The following EDARADD variants were observed in gnomAD, a reference collection of about 807,000 sequenced individuals.
The protein encoded by EDARADD is ectodysplasin-A receptor-associated adapter protein.
EDARADD carries 20 observed loss-of-function variants against 25.6 expected under a neutral mutation model. The ratio of observed to expected loss-of-function variants is 0.78; its 90% CI spans 0.55 to 1.14. The LOEUF (loss-of-function observed/expected upper bound fraction) is 1.14, where lower values mean the gene tolerates loss of function less well. Ranked by LOEUF, EDARADD falls within the 50% of genes most tolerant of loss-of-function variation. EDARADD has a pLI of 0.00. For synonymous variants in EDARADD, 86 were observed against 94.4 expected, an observed-to-expected ratio of 0.91 and a Z score of 0.52; for missense variants, 225 against 270.1, an observed-to-expected ratio of 0.83 and a Z score of 1.17.
Position 236,482,619 on chromosome 1 carries a change from G to A in EDARADD, c.618G>A (p.Arg206=). The A allele has an allele frequency of 1.2e-6, 2 of 1,612,200 alleles. No individual in the cohort carries two copies. Among genetic ancestry groups the A allele is most frequent in the Non-Finnish European group, 1.7e-6 (2 of 1,180,026 alleles). The change falls in exon 6 of 6, where the codon CGG becomes CGA. Residue 206 remains arginine, a synonymous_variant. Coordinates refer to ENST00000334232, the MANE Select transcript of EDARADD (RefSeq NM_145861.4). ...RRWVDEEWPK[R]ERGDPSRHF ...GGGTGGACGAGGAGTGGCCCAAGCG[G>A]GAGCGTGGAGACCCCTCCAGGCACT... is the stretch of plus-strand genomic sequence containing the variant.
At chr1:236,399,207 A>G (rs1336908045) in intron 1 of EDARADD, among the ~76,000 whole-genome samples, 4 of 152,114 alleles carry the variant, frequency 2.6e-5, no homozygotes, top group African/African-American at 9.7e-5. Flanking sequence ...TTTGAGACAG[A>G]ATCTCACTCT....
chr1:236,405,288 T>C (rs1313504408), intron 1 of EDARADD, among the ~76,000 whole-genome samples: 4 of 152,194 alleles, frequency 2.6e-5, no homozygotes, highest in African/African-American at 9.7e-5. Context: ...GCAAGAGACT[T>C]TGTGCCTATA....
intron 1 of EDARADD, among the ~76,000 whole-genome samples, chr1:236,397,233 G>GACCC (rs1311640336): frequency 6.6e-6 from 1 of 151,876 alleles, no homozygotes; most frequent in African/African-American, 2.4e-5. Context: ...AACATAGTGA[G>GACCC]ACCCTGACTC....
intron 4 of EDARADD, among the ~76,000 whole-genome samples, chr1:236,459,611 C>CT (rs397860471): frequency 0.19 from 18,600 of 100,314 alleles, 2,352 homozygotes; most frequent in East Asian, 0.44. Context: ...TTATTTAGCT[C>CT]TTTTTTTTTT....
At chr1:236,381,179 TTTG>T (rs1667291844) in intron 3 of EDARADD, among the ~76,000 whole-genome samples, 1 of 152,192 alleles carries the variant, frequency 6.6e-6, no homozygotes, top group South Asian at 2.1e-4. Flanking sequence ...TACGCATGCT[TTTG>T]TTTTTTTCTG....
At chr1:236,376,576 CTCTG>C (rs1408568352) in intron 3 of EDARADD, among the ~76,000 whole-genome samples, 3 of 152,078 alleles carry the variant, frequency 2.0e-5, no homozygotes, top group Non-Finnish European at 4.4e-5. Flanking sequence ...TGTTTTTTCT[CTCTG>C]TCTTTTTTCG....
intron 1 of EDARADD, among the ~76,000 whole-genome samples, chr1:236,408,047 G>A (rs529131816): frequency 6.6e-6 from 1 of 152,160 alleles, no homozygotes; most frequent in Admixed American, 6.5e-5. Flanking sequence ...CATTCCTGCC[G>A]AAGGTAGTGT....
intron 3 of EDARADD, among the ~76,000 whole-genome samples, chr1:236,356,665 A>G: frequency 6.6e-6 from 1 of 152,226 alleles, no homozygotes. Flanking sequence ...ATGGTGGGCT[A>G]TAGCAAGAAT....
chr1:236,449,209 T>C (rs1320108454), intron 4 of EDARADD, among the ~76,000 whole-genome samples: 1 of 152,192 alleles, frequency 6.6e-6, no homozygotes, highest in Non-Finnish European at 1.5e-5. Context: ...ACTGGCCATA[T>C]TGGATTTTAG....
chr1:236,403,113 G>T (rs748269167), intron 1 of EDARADD, among the ~76,000 whole-genome samples: 7 of 151,960 alleles, frequency 4.6e-5, no homozygotes, highest in Admixed American at 1.3e-4. Flanking sequence ...GTGCCACCAC[G>T]CCTGGCTAAT....
chr1:236,403,940 TAC>T (rs1667661896), intron 1 of EDARADD, among the ~76,000 whole-genome samples: 1 of 152,196 alleles, frequency 6.6e-6, no homozygotes, highest in Non-Finnish European at 1.5e-5. Context: ...AGCAGTCAGT[TAC>T]CAGCTAATTT....
intron 4 of EDARADD, among the ~76,000 whole-genome samples, chr1:236,434,194 C>G (rs1251689215): frequency 2.0e-5 from 3 of 152,130 alleles, no homozygotes; most frequent in African/African-American, 7.2e-5. Context: ...GCTTAGAACA[C>G]AGCCCAACAC....
At chr1:236,405,875 TTC>T (rs1491268991) in intron 1 of EDARADD, among the ~76,000 whole-genome samples, 42 of 29,646 alleles carry the variant, frequency 1.4e-3, no homozygotes, top group African/African-American at 4.7e-3. Flanking sequence ...CCTTCCTTCC[TTC>T]TTTCTTTCTT....
At chr1:236,440,114 T>G (rs1031908667) in intron 4 of EDARADD, among the ~76,000 whole-genome samples, 1 of 152,220 alleles carries the variant, frequency 6.6e-6, no homozygotes, top group Non-Finnish European at 1.5e-5. Context: ...TTGAAAAAAC[T>G]ATCTTTCCAC....
intron 4 of EDARADD, among the ~76,000 whole-genome samples, chr1:236,467,403 C>A (rs1437788107): frequency 6.8e-6 from 1 of 147,812 alleles, no homozygotes; most frequent in Non-Finnish European, 1.5e-5. Context: ...CCTCTGCTGA[C>A]TTCATGGGAA....
intron 4 of EDARADD, among the ~76,000 whole-genome samples, chr1:236,430,640 T>C (rs1236566955): frequency 6.6e-6 from 1 of 152,226 alleles, no homozygotes; most frequent in Non-Finnish European, 1.5e-5. Flanking sequence ...AAAGTAGTAC[T>C]ATAGGCAGCT....
At chr1:236,379,313 T>G (rs1217654751) in intron 3 of EDARADD, among the ~76,000 whole-genome samples, 1 of 151,760 alleles carries the variant, frequency 6.6e-6, no homozygotes, top group East Asian at 1.9e-4. Context: ...GAGGTTGCAG[T>G]GAGCCCAGAT....
At chr1:236,406,023 A>C (rs1437688144) in intron 1 of EDARADD, among the ~76,000 whole-genome samples, 1 of 150,248 alleles carries the variant, frequency 6.7e-6, no homozygotes, top group Non-Finnish European at 1.5e-5. Flanking sequence ...GGATGGTGTC[A>C]GAGCATTTAA....
chr1:236,426,010 C>T (rs1406975082), intron 3 of EDARADD, among the ~76,000 whole-genome samples: 1 of 151,680 alleles, frequency 6.6e-6, no homozygotes, highest in Non-Finnish European at 1.5e-5. Flanking sequence ...CAGGGTCTCA[C>T]TCTGTCCCCC....
Sources: allele counts gnomAD v4.1 joint callset (sites outside exome capture counted in the v4.1 genomes callset), GRCh38; gene constraint gnomAD v4.1.1; transcripts MANE v1.5; gene names NCBI Gene and HGNC (gene_info 2026-07-23, HGNC 2026-07-21).